Variants in CLNK observed in about 807,000 individuals in gnomAD.
The protein encoded by CLNK is cytokine-dependent hematopoietic cell linker.
CLNK carries 74 observed loss-of-function variants against 68.6 expected under a neutral mutation model. The ratio of observed to expected loss-of-function variants is 1.08; its 90% confidence interval spans 0.89 to 1.31. CLNK has a LOEUF of 1.31. Among genes scored for constraint, CLNK ranks in the 50% most tolerant of loss-of-function variants. The probability of loss-of-function intolerance (pLI) is 0.00; values close to 1 mark genes in which losing one functional copy is unlikely to be tolerated. For synonymous variants in CLNK, 198 were observed against 172.2 expected (o/e 1.15, Z -1.17); for missense variants, 553 against 515.3 (o/e 1.07, Z -0.71).
intron 15 of CLNK, 81 bp from the exon 16 acceptor site, chr4:10,513,678 C>T: frequency 6.6e-6 from 9 of 1,373,572 alleles, no homozygotes; most frequent in Non-Finnish European, 8.8e-6. Flanking sequence ...GAGCTGAAAC[C>T]CTTTGCTCCT....
At chr4:10,537,609 C>A (rs1235108324) in intron 11 of CLNK, among the ~76,000 whole-genome samples, 3 of 147,478 alleles carry the variant, frequency 2.0e-5, no homozygotes, top group African/African-American at 7.5e-5. Context: ...GTCTTTCTCC[C>A]TTTCTCTCTC....
chr4:10,709,135 C>T, the CLNK span, among the ~76,000 whole-genome samples: 1 of 152,164 alleles, frequency 6.6e-6, no homozygotes, highest in Non-Finnish European at 1.5e-5. Flanking sequence ...AATCAGGGAT[C>T]TTGAGTTTCA....
chr4:10,643,462 A>T (rs1723387589), intron 2 of CLNK, among the ~76,000 whole-genome samples: 1 of 152,266 alleles, frequency 6.6e-6, no homozygotes. Context: ...GTTGCCTGAT[A>T]GTGACTGTTT....
the CLNK span, among the ~76,000 whole-genome samples, chr4:10,693,693 C>G: frequency 6.6e-6 from 1 of 152,224 alleles, no homozygotes; most frequent in African/African-American, 2.4e-5. Context: ...CAGAGCCATA[C>G]ATTTACAACT....
At chr4:10,624,931 C>T (rs998857843) in intron 2 of CLNK, among the ~76,000 whole-genome samples, 4 of 152,162 alleles carry the variant, frequency 2.6e-5, no homozygotes, top group Non-Finnish European at 5.9e-5. Flanking sequence ...TTGAACTTAA[C>T]GTTTTCTCGA....
intron 2 of CLNK, among the ~76,000 whole-genome samples, chr4:10,665,539 C>T (rs931127316): frequency 1.3e-5 from 2 of 151,856 alleles, no homozygotes; most frequent in Non-Finnish European, 2.9e-5. Flanking sequence ...TGGTAGACAC[C>T]TGTAATCCCA....
intron 2 of CLNK, among the ~76,000 whole-genome samples, chr4:10,605,840 A>G (rs1280868158): frequency 1.3e-5 from 2 of 149,330 alleles, no homozygotes; most frequent in East Asian, 3.9e-4. Flanking sequence ...AAAAAAAAAA[A>G]AATAGAAAAA....
the CLNK span, among the ~76,000 whole-genome samples, chr4:10,699,289 T>TGTACACACACACCAC: frequency 2.3e-4 from 23 of 98,066 alleles, 3 homozygotes; most frequent in East Asian, 1.9e-3. Flanking sequence ...CACATACGTG[T>TGTACACACACACCAC]ATACACACAC....
At chr4:10,683,722 A>T (rs1212443758) in intron 1 of CLNK, among the ~76,000 whole-genome samples, 1 of 152,174 alleles carries the variant, frequency 6.6e-6, no homozygotes. Context: ...AAGCGCTGTC[A>T]TTTCTCTGGT....
chr4:10,552,084 C>T (rs1281065575), intron 8 of CLNK, among the ~76,000 whole-genome samples: 1 of 152,018 alleles, frequency 6.6e-6, no homozygotes, highest in Non-Finnish European at 1.5e-5. Flanking sequence ...TCTCGATCTC[C>T]TGACCTCCTG....
At chr4:10,559,660 G>T (rs1014276856) in intron 7 of CLNK, among the ~76,000 whole-genome samples, 3 of 152,004 alleles carry the variant, frequency 2.0e-5, no homozygotes, top group African/African-American at 7.2e-5. Context: ...TCTTAGGATG[G>T]GGCTCCAAGT....
intron 4 of CLNK, among the ~76,000 whole-genome samples, chr4:10,584,486 G>C (rs150970160): frequency 6.6e-6 from 1 of 152,180 alleles, no homozygotes. Context: ...CAGAAAATAG[G>C]CTATGAAGAG....
At chr4:10,716,581 T>C in the CLNK span, among the ~76,000 whole-genome samples, 1 of 151,824 alleles carries the variant, frequency 6.6e-6, no homozygotes, top group Non-Finnish European at 1.5e-5. Flanking sequence ...GTTGAATAAT[T>C]AACAATCAAC....
Position 10,490,518 on chromosome 4 carries a change from C to G in CLNK, c.1236G>C (p.Gln412His). ...GAGGGAGTGGCTGAGTGAGGTGACACTGTTTCCTGTGGACCCCAGTTTTAT... is the reference window on the plus strand; with the variant it reads ...GAGGGAGTGGCTGAGTGAGGTGACAGTGTTTCCTGTGGACCCCAGTTTTAT... Reference protein sequence around the residue: ...GKDKTGVHRKQCHLTQPLPLT... With the variant: ...GKDKTGVHRKHCHLTQPLPLT... The change falls in exon 19 of 19, where the codon CAG (glutamine) becomes CAC (histidine). Residue 412 changes from glutamine to histidine, a missense_variant. Transcript: ENST00000226951. 1 of 1,612,516 alleles carries G rather than the reference C, an allele frequency of 6.2e-7. No individual in the cohort carries two copies.
chr4:10,578,882 A>G (rs1206050974), intron 4 of CLNK, among the ~76,000 whole-genome samples: 4 of 152,058 alleles, frequency 2.6e-5, no homozygotes, highest in African/African-American at 9.7e-5. Context: ...AGTTTACCTT[A>G]TCTATACAGT....
chr4:10,551,848 AT>A (rs201336299), intron 8 of CLNK, among the ~76,000 whole-genome samples: 19,440 of 140,382 alleles, frequency 0.14, 1,119 homozygotes, highest in African/African-American at 0.16. Context: ...GAGAATTGTA[AT>A]TTTTTTTTTT....
At chr4:10,540,752 C>G (rs190805085) in intron 10 of CLNK, 148 bp from the exon 11 acceptor site, 34 of 621,332 alleles carry the variant, frequency 5.5e-5, no homozygotes, top group African/African-American at 4.6e-4. Context: ...GCAGACCGAT[C>G]TGGTCTGGCA....
chr4:10,689,939 T>G, the CLNK span, among the ~76,000 whole-genome samples: 12 of 151,914 alleles, frequency 7.9e-5, no homozygotes, highest in Non-Finnish European at 1.5e-4. Flanking sequence ...TCAGGACACA[T>G]GCTATGAGCC....
chr4:10,507,805 CT>C (rs1717374323), intron 17 of CLNK, among the ~76,000 whole-genome samples, 153 bp downstream of exon 17: 1 of 152,124 alleles, frequency 6.6e-6, no homozygotes, highest in African/African-American at 2.4e-5. Flanking sequence ...GTTAAATGCC[CT>C]TTTCGACTAC....
Sources: allele counts gnomAD v4.1 joint callset (sites outside exome capture counted in the v4.1 genomes callset), GRCh38; gene constraint gnomAD v4.1.1; transcripts MANE v1.5; gene names NCBI Gene and HGNC (gene_info 2026-07-23, HGNC 2026-07-21).